The following WLS variants were observed in gnomAD, a reference collection of about 807,000 sequenced individuals.
The protein encoded by WLS is Wnt ligand secretion mediator, also known as protein wntless homolog.
A neutral mutation model predicts 62.8 loss-of-function variants in WLS; 23 were observed. That is an observed-to-expected ratio of 0.37 (90% CI 0.26 to 0.52). The LOEUF (loss-of-function observed/expected upper bound fraction) is 0.52. Among genes scored for constraint, WLS ranks in the 20% least tolerant of loss-of-function variants. The pLI, the probability that WLS is intolerant of heterozygous loss-of-function variation, is 0.92. For synonymous variants in WLS, 246 were observed against 244.1 expected (o/e 1.01, Z -0.07); for missense variants, 615 against 697.3 (o/e 0.88, Z 1.33).
intron 2 of WLS, among the ~76,000 whole-genome samples, chr1:68,183,990 C>T (rs966535594): frequency 1.3e-5 from 2 of 152,110 alleles, no homozygotes; most frequent in East Asian, 1.9e-4. Context: ...AGGATCAAGG[C>T]GAAACATAAT....
rs536430890 is a variant in WLS, at chr1:68,218,211, A to G, written c.106+13983T>C. ...TAAGGGGAAAGAATAAAACATTAAC[A>G]TAGAATGGTTGTATCAAAATGGTGG... On this transcript the variant is annotated intron_variant, in intron 1 of 11. Coordinates refer to ENST00000262348, the MANE Select transcript of WLS (RefSeq NM_024911.7). Among the ~76,000 whole-genome samples, 95 of 151,798 alleles carry G rather than the reference A, an allele frequency of 6.3e-4. 1 individual carries two copies. Among genetic ancestry groups the G allele is most frequent in the African/African-American group, 2.3e-3 (94 of 41,462 alleles).
At chr1:68,143,650 A>T (rs1222843700) in intron 10 of WLS, among the ~76,000 whole-genome samples, 1 of 152,226 alleles carries the variant, frequency 6.6e-6, no homozygotes, top group Non-Finnish European at 1.5e-5. Context: ...AGGTTACACC[A>T]TATGGCCTAG....
At chr1:68,207,925 T>A (rs1571015549) in intron 1 of WLS, among the ~76,000 whole-genome samples, 1 of 152,368 alleles carries the variant, frequency 6.6e-6, no homozygotes, top group East Asian at 1.9e-4. Flanking sequence ...TGGTGGGAGA[T>A]GAAGACCTAC....
At chr1:68,158,992 G>A in intron 3 of WLS, 131 bp downstream of exon 3, 5 of 1,179,588 alleles carry the variant, frequency 4.2e-6, no homozygotes, top group Non-Finnish European at 5.9e-6. Context: ...GAAATAAAAT[G>A]CTCCGCAGAG....
intron 11 of WLS, among the ~76,000 whole-genome samples, chr1:68,105,337 A>G (rs1324904500): frequency 6.6e-6 from 1 of 152,206 alleles, no homozygotes; most frequent in African/African-American, 2.4e-5. Flanking sequence ...ACTGGTTTTT[A>G]TGCTACTTAA....
intron 10 of WLS, among the ~76,000 whole-genome samples, chr1:68,139,031 T>C (rs1646650431): frequency 6.6e-6 from 1 of 152,216 alleles, no homozygotes; most frequent in African/African-American, 2.4e-5. Flanking sequence ...TAGGCCAAAT[T>C]AAGGTCTAAG....
chr1:68,155,452 A>G (rs1363650314), intron 3 of WLS, among the ~76,000 whole-genome samples, 192 bp from the exon 4 acceptor site: 2 of 152,118 alleles, frequency 1.3e-5, no homozygotes, highest in African/African-American at 2.4e-5. Context: ...ACAAACATCA[A>G]CAACAACAAC....
At position 68,102,313 on chromosome 1, in the gene WLS, C is replaced by T. The variant is rs550365568; in HGVS notation, c.1511-3560G>A. Among the ~76,000 whole-genome samples, 57 of 152,282 alleles carry T rather than the reference C, an allele frequency of 3.7e-4. 1 individual carries two copies. The highest frequency in any genetic ancestry group is 1.3e-3 in the African/African-American group (56 of 41,556). ...CTTCTTAGGGAGGTTGGAGAAGGGT[C>T]CTAAACAGCGGGCTCTCTTGTTTAG... On this transcript the variant is annotated intron_variant, in intron 11 of 11. Transcript: ENST00000354777.
At position 68,162,620 on chromosome 1, in the gene WLS, A is replaced by G. The variant is rs796284294; in HGVS notation, c.380-3373T>C. Reference sequence around the variant, plus strand: ...TCCATGCTCTGAACCCGTGTGCCTTACCGCAGTGCTTGGTACAGCCATGTG... The same window carrying G: ...TCCATGCTCTGAACCCGTGTGCCTTGCCGCAGTGCTTGGTACAGCCATGTG... On this transcript the variant is annotated intron_variant, in intron 2 of 11. Transcript: ENST00000262348. 1.5e-5 allele frequency: 20 copies of G among 1,303,746 alleles called. 1 individual carries two copies. The highest frequency in any genetic ancestry group is 1.9e-4 in the Middle Eastern group (1 of 5,232). The allele number at this position is 1,303,746 out of a possible 1,614,324, so 80.8% of individuals were successfully genotyped here.
chr1:68,158,953 T>G (rs1646936051), intron 3 of WLS, among the ~76,000 whole-genome samples, 170 bp downstream of exon 3: 1 of 152,118 alleles, frequency 6.6e-6, no homozygotes, highest in South Asian at 2.1e-4. Context: ...AAAGCAAAGT[T>G]AGGAAAGGCC....
chr1:68,229,572 C>A (rs1195775723), intron 1 of WLS, among the ~76,000 whole-genome samples: 1 of 152,202 alleles, frequency 6.6e-6, no homozygotes, highest in African/African-American at 2.4e-5. Context: ...ACTACTGTCT[C>A]CGCTTGCCCA....
intron 11 of WLS, among the ~76,000 whole-genome samples, chr1:68,133,044 GGCAGCAGCAGCAACAGCAACAGCAGCA>G (rs141134669): frequency 5.5e-5 from 1 of 18,186 alleles, no homozygotes. Flanking sequence ...GTCATGAAAA[GGCAGCAGCAGCAACAGCAACAGCAGCA>G]GCAGCAGCAG....
intron 2 of WLS, among the ~76,000 whole-genome samples, chr1:68,190,815 T>G (rs965298655): frequency 1.3e-5 from 2 of 152,170 alleles, no homozygotes; most frequent in African/African-American, 4.8e-5. Flanking sequence ...CCCAGCACTT[T>G]GGGAGGCCGA....
intron 11 of WLS, among the ~76,000 whole-genome samples, chr1:68,110,359 G>A (rs1254407950): frequency 6.6e-6 from 1 of 151,896 alleles, no homozygotes; most frequent in Non-Finnish European, 1.5e-5. Context: ...ACCAATTGAA[G>A]AAATGGAAAA....
chr1:68,159,161 C>G lies in WLS; in HGVS notation c.466G>C (p.Val156Leu). The G allele has an allele frequency of 6.2e-7, 1 of 1,614,132 alleles. No homozygotes were observed. Among genetic ancestry groups the G allele is most frequent in the Non-Finnish European group, 8.5e-7 (1 of 1,180,002 alleles). ...AAGGTGCATTTGAGTTTCCGTGGTA[C>G]TCTTTCATGGGCCATTTCAGTCCAC... ...AEWTEMAHER[V>L]PRKLKCTFTS... The change falls in exon 3 of 12, where the codon GTA becomes CTA. Residue 156 changes from valine (V) to leucine (L), a missense_variant. Coordinates refer to ENST00000262348, the MANE Select transcript of WLS (RefSeq NM_024911.7).
chr1:68,198,422 T>C (rs369902099), intron 1 of WLS, among the ~76,000 whole-genome samples: 7 of 152,220 alleles, frequency 4.6e-5, no homozygotes, highest in Admixed American at 1.3e-4. Flanking sequence ...CTACAGCACA[T>C]GAATTGTGAA....
At chr1:68,200,199 G>A (rs1436619004) in intron 1 of WLS, among the ~76,000 whole-genome samples, 2 of 151,998 alleles carry the variant, frequency 1.3e-5, no homozygotes, top group Non-Finnish European at 2.9e-5. Context: ...AAAATGATAG[G>A]AACAATACAC....
At chr1:68,117,983 CAG>C (rs998478992) in intron 11 of WLS, among the ~76,000 whole-genome samples, 15 of 147,748 alleles carry the variant, frequency 1.0e-4, no homozygotes, top group East Asian at 2.0e-4. Context: ...AAAAAAAAAA[CAG>C]AATTTTTAAA....
intron 1 of WLS, among the ~76,000 whole-genome samples, chr1:68,230,313 T>G (rs937724780): frequency 2.0e-5 from 3 of 152,096 alleles, no homozygotes; most frequent in African/African-American, 7.2e-5. Context: ...GCCAATTTAA[T>G]TCTGAAAGCA....
Sources: allele counts gnomAD v4.1 joint callset (sites outside exome capture counted in the v4.1 genomes callset), GRCh38; gene constraint gnomAD v4.1.1; transcripts MANE v1.5; gene names NCBI Gene and HGNC (gene_info 2026-07-23, HGNC 2026-07-21).